ZEB1: variants seen among roughly 807,000 people sequenced by gnomAD.
ZEB1 encodes the protein zinc finger E-box binding homeobox 1.
ZEB1 carries 21 observed loss-of-function variants against 84.9 expected under a neutral mutation model. The ratio of observed to expected loss-of-function variants is 0.25; its 90% confidence interval spans 0.18 to 0.36. The LOEUF (loss-of-function observed/expected upper bound fraction) is 0.36. Ranked by LOEUF, ZEB1 falls within the 10% of genes least tolerant of loss-of-function variation. ZEB1 has a pLI of 1.00. For missense variants in ZEB1, 1,104 were observed against 1,330.2 expected, an observed-to-expected ratio of 0.83 and a Z score of 2.65; for synonymous variants, 420 against 471.1, an observed-to-expected ratio of 0.89 and a Z score of 1.41.
At chr10:31,437,505 A>G (rs1009464450) in intron 1 of ZEB1, among the ~76,000 whole-genome samples, 1 of 152,222 alleles carries the variant, frequency 6.6e-6, no homozygotes, top group South Asian at 2.1e-4. Context: ...TTAAAATTTC[A>G]TTAATTATCC....
chr10:31,490,696 T>G (rs1339036105), intron 2 of ZEB1, among the ~76,000 whole-genome samples: 1 of 151,804 alleles, frequency 6.6e-6, no homozygotes, highest in Non-Finnish European at 1.5e-5. Context: ...TTTGATCATC[T>G]TTTCCTATGT....
intron 2 of ZEB1, among the ~76,000 whole-genome samples, chr10:31,475,215 A>C (rs1395538118): frequency 6.8e-6 from 1 of 146,516 alleles, no homozygotes; most frequent in Non-Finnish European, 1.5e-5. Flanking sequence ...TATAATAATA[A>C]AAGAAAAAAA....
chr10:31,450,229 T>C (rs1194358627), intron 1 of ZEB1, among the ~76,000 whole-genome samples: 1 of 152,248 alleles, frequency 6.6e-6, no homozygotes, highest in African/African-American at 2.4e-5. Context: ...TATTCAAATA[T>C]TTGATGACTT....
chr10:31,369,391 G>T (rs984053275), intron 1 of ZEB1, among the ~76,000 whole-genome samples: 1 of 152,064 alleles, frequency 6.6e-6, no homozygotes, highest in African/African-American at 2.4e-5. Context: ...GGTAACCATT[G>T]TTCTATTCTC....
chr10:31,527,753 G>A lies in ZEB1; in HGVS notation c.*489G>A, dbSNP rs1318944106. On this transcript the variant is annotated 3_prime_UTR_variant, in exon 9 of 9. Transcript: ENST00000424869. ...AGTATTTTATTATGTTTTTTAAAAT[G>A]TGAGAACTTCTGCACTACAAAATTC... 1 of 162,296 alleles carries A rather than the reference G, an allele frequency of 6.2e-6. No homozygotes were observed. The highest frequency in any genetic ancestry group is 2.4e-5 in the African/African-American group (1 of 41,468). 10.1% of individuals were successfully genotyped at this position (162,296 alleles called of 1,614,324 possible).
chr10:31,450,887 T>TGTGTGTGTGTGTGC (rs1228560969), intron 1 of ZEB1, among the ~76,000 whole-genome samples: 4 of 152,068 alleles, frequency 2.6e-5, no homozygotes, highest in African/African-American at 9.7e-5. Context: ...TGTGTGTGTG[T>TGTGTGTGTGTGTGC]GTGCGTGCGT....
intron 1 of ZEB1, among the ~76,000 whole-genome samples, chr10:31,327,099 C>CTTTTTTTTTTTTTTTTTTTTTTTTTTTCT (rs71527629): frequency 2.4e-5 from 2 of 84,962 alleles, no homozygotes; most frequent in Non-Finnish European, 4.5e-5. Flanking sequence ...CTTTTCTTTT[C>CTTTTTTTTTTTTTTTTTTTTTTTTTTTCT]TTTTTTTTTT....
chr10:31,320,602 C>G (rs1428948523), intron 1 of ZEB1: 1 of 151,574 alleles, frequency 6.6e-6, no homozygotes, highest in Non-Finnish European at 1.5e-5. Flanking sequence ...CTCTGCCTGG[C>G]GTGAGAGTTA....
chr10:31,348,557 C>T (rs1345029316), intron 1 of ZEB1, among the ~76,000 whole-genome samples: 2 of 151,624 alleles, frequency 1.3e-5, no homozygotes, highest in South Asian at 2.1e-4. Context: ...GAGTGAGACT[C>T]GGTCTCAAAA....
chr10:31,513,810 T>C (rs1275940475), intron 5 of ZEB1, among the ~76,000 whole-genome samples: 1 of 152,132 alleles, frequency 6.6e-6, no homozygotes, highest in Non-Finnish European at 1.5e-5. Context: ...CATAGACTTG[T>C]CATAAAAAAC....
chr10:31,521,747 A>T lies in ZEB1; in HGVS notation c.2415A>T (p.Ile805=). Residue 805 remains isoleucine, a synonymous_variant, in exon 7 of 9, where the codon ATA becomes ATT. Coordinates refer to ENST00000424869, the MANE Select transcript of ZEB1 (RefSeq NM_001174096.2). ...GTGCCAACCCCATAAATATCGCTAT[A>T]CCTACAGTCACTGCCCAGTTACCCA... ...PPSANPINIA[I]PTVTAQLPTI... is the part of the protein sequence containing the mutation. The T allele has an allele frequency of 6.2e-7, 1 of 1,614,126 alleles. No individual in the cohort carries two copies. The highest frequency in any genetic ancestry group is 8.5e-7 in the Non-Finnish European group (1 of 1,180,012).
chr10:31,526,878 G>A lies in ZEB1; in HGVS notation c.2992G>A (p.Glu998Lys), dbSNP rs2073547679. Residue 998 changes from glutamate to lysine, a missense_variant, in exon 9 of 9, where the codon GAG (glutamate) becomes AAG (lysine). Physicochemically the swap from Glu to Lys is moderately conservative, Grantham distance 56 (BLOSUM62 1). Coordinates refer to ENST00000424869, the MANE Select transcript of ZEB1 (RefSeq NM_001174096.2). Reference sequence around the variant, plus strand: ...AGAAGCGGAAGAACGTGACAGCACAGAGCAGGAAGAGGCAGGGCCTGAAAT... The same window carrying A: ...AGAAGCGGAAGAACGTGACAGCACAAAGCAGGAAGAGGCAGGGCCTGAAAT... ...KREAEERDST[E>K]QEEAGPEILS... The A allele has an allele frequency of 6.2e-7, 1 of 1,614,194 alleles. No individual in the cohort carries two copies.
chr10:31,524,134 A>G (rs2072926277), intron 8 of ZEB1, 21 bp downstream of exon 8: 3 of 1,611,288 alleles, frequency 1.9e-6, no homozygotes, highest in South Asian at 2.2e-5. Flanking sequence ...GAACACAAAC[A>G]TAAAGTGTCC....
chr10:31,456,012 G>A (rs1018288796), intron 1 of ZEB1, among the ~76,000 whole-genome samples: 6 of 152,118 alleles, frequency 3.9e-5, no homozygotes, highest in African/African-American at 1.4e-4. Flanking sequence ...CAACCCAAAT[G>A]TCCATCAATA....
At chr10:31,467,407 G>A (rs1277135222) in intron 2 of ZEB1, among the ~76,000 whole-genome samples, 1 of 152,066 alleles carries the variant, frequency 6.6e-6, no homozygotes, top group Non-Finnish European at 1.5e-5. Context: ...GCCCATGCAT[G>A]TTCACATGAC....
At chr10:31,437,185 A>G (rs576778482) in intron 1 of ZEB1, among the ~76,000 whole-genome samples, 2 of 152,196 alleles carry the variant, frequency 1.3e-5, no homozygotes, top group East Asian at 1.9e-4. Context: ...GGATTCTTAT[A>G]GTATTTATTT....
At chr10:31,493,920 TGAA>T (rs2066885059) in intron 2 of ZEB1, among the ~76,000 whole-genome samples, 1 of 151,930 alleles carries the variant, frequency 6.6e-6, no homozygotes, top group Non-Finnish European at 1.5e-5. Context: ...GATGAAGAAA[TGAA>T]GAAACAAATA....
At chr10:31,444,445 C>T (rs1484446631) in intron 1 of ZEB1, among the ~76,000 whole-genome samples, 3 of 151,936 alleles carry the variant, frequency 2.0e-5, no homozygotes, top group East Asian at 1.9e-4. Context: ...ATTTTGTCTT[C>T]TGTTGCCATT....
chr10:31,455,428 A>G (rs1309709614), intron 1 of ZEB1, among the ~76,000 whole-genome samples: 2 of 152,214 alleles, frequency 1.3e-5, no homozygotes, highest in Non-Finnish European at 1.5e-5. Context: ...TAATTAAACT[A>G]AAGAGCTTCT....
Sources: allele counts gnomAD v4.1 joint callset (sites outside exome capture counted in the v4.1 genomes callset), GRCh38; gene constraint gnomAD v4.1.1; transcripts MANE v1.5; gene names NCBI Gene and HGNC (gene_info 2026-07-23, HGNC 2026-07-21).